PPP1R12A: variants seen among roughly 807,000 people sequenced by gnomAD.
PPP1R12A encodes myosin binding subunit.
PPP1R12A carries 19 observed loss-of-function variants against 139.6 expected under a neutral mutation model. The observed-to-expected ratio is 0.14, with a 90% confidence interval of 0.09 to 0.20. The LOEUF is 0.20. PPP1R12A is among the 10% of genes least tolerant of loss of function. The probability of loss-of-function intolerance (pLI) is 1.00; values close to 1 mark genes in which losing one functional copy is unlikely to be tolerated. For missense variants in PPP1R12A, 925 were observed against 1,211.5 expected, an observed-to-expected ratio of 0.76 and a Z score of 3.51; for synonymous variants, 427 against 420.6, an observed-to-expected ratio of 1.02 and a Z score of -0.19.
chr12:79,877,022 G>A (rs1347857913), intron 1 of PPP1R12A, among the ~76,000 whole-genome samples: 3 of 149,260 alleles, frequency 2.0e-5, no homozygotes, highest in African/African-American at 5.1e-5. Flanking sequence ...GAAAAAAAAA[G>A]GGTAAAAGCA....
intron 3 of PPP1R12A, among the ~76,000 whole-genome samples, chr12:79,837,831 A>C (rs1212006288): frequency 6.6e-6 from 1 of 152,194 alleles, no homozygotes; most frequent in Non-Finnish European, 1.5e-5. Context: ...AAGTTTCCTG[A>C]GGACCCCCAG....
At chr12:79,930,277 A>G (rs1025824121) in intron 1 of PPP1R12A, among the ~76,000 whole-genome samples, 1 of 152,212 alleles carries the variant, frequency 6.6e-6, no homozygotes, top group South Asian at 2.1e-4. Context: ...AAGTTAACCA[A>G]TTTCTATAAA....
intron 2 of PPP1R12A, among the ~76,000 whole-genome samples, chr12:79,854,479 T>C (rs1313497016): frequency 1.3e-5 from 2 of 152,144 alleles, no homozygotes; most frequent in Admixed American, 6.6e-5. Context: ...TTCCGCTCTT[T>C]AGATCCCTTA....
At chr12:79,934,632 G>C in intron 1 of PPP1R12A, 63 bp downstream of exon 1, 1 of 1,409,130 alleles carries the variant, frequency 7.1e-7, no homozygotes. Flanking sequence ...CTGAGGGCAG[G>C]CCCGAGCAGG....
intron 1 of PPP1R12A, among the ~76,000 whole-genome samples, chr12:79,916,124 T>C (rs754246718): frequency 2.0e-5 from 3 of 151,928 alleles, no homozygotes; most frequent in African/African-American, 4.8e-5. Flanking sequence ...CAGTGTAGAG[T>C]AGAAGACCAT....
intron 4 of PPP1R12A, among the ~76,000 whole-genome samples, chr12:79,829,204 G>A (rs1310326479): frequency 6.6e-6 from 1 of 152,088 alleles, no homozygotes; most frequent in African/African-American, 2.4e-5. Context: ...CTCACAGACA[G>A]CAAGGATGGG....
chr12:79,788,170 T>G (rs1161044393), intron 21 of PPP1R12A: 1 of 152,496 alleles, frequency 6.6e-6, no homozygotes, highest in Non-Finnish European at 1.5e-5. Context: ...GCTTTCTCCT[T>G]CTCCAACAGA....
intron 1 of PPP1R12A, among the ~76,000 whole-genome samples, chr12:79,915,869 T>C (rs547432679): frequency 5.9e-5 from 9 of 152,058 alleles, no homozygotes; most frequent in African/African-American, 1.2e-4. Flanking sequence ...ATCCTGATAA[T>C]ATTCACGCCA....
In PPP1R12A at chr12:79,859,714, G is replaced by A. The variant is rs758826393; in HGVS notation, c.368+13094C>T. ...GAGGTCAGGAGTTTGAGACCACCCC[G>A]GAAAACACAGCGAGACTCTGTCTCT... is the stretch of plus-strand genomic sequence containing the variant. On this transcript the variant is annotated intron_variant, in intron 2 of 24. Transcript: ENST00000450142. 1.1e-3 allele frequency among the ~76,000 whole-genome samples: 160 copies of A among 151,772 alleles called. 1 individual carries two copies. The highest frequency in any genetic ancestry group is 1.7e-3 in the Non-Finnish European group (113 of 67,952).
chr12:79,825,828 T>C (rs953858442), intron 5 of PPP1R12A, among the ~76,000 whole-genome samples: 1 of 152,040 alleles, frequency 6.6e-6, no homozygotes, highest in South Asian at 2.1e-4. Flanking sequence ...TGACTGAACA[T>C]GATGTATGAC....
chr12:79,903,345 G>A (rs1178181120), intron 1 of PPP1R12A, among the ~76,000 whole-genome samples: 32 of 151,922 alleles, frequency 2.1e-4, no homozygotes, highest in Admixed American at 2.1e-3. Flanking sequence ...CAGCTACTCG[G>A]GAGGCTGAGG....
At chr12:79,832,835 C>A (rs1877593446) in intron 3 of PPP1R12A, among the ~76,000 whole-genome samples, 1 of 151,840 alleles carries the variant, frequency 6.6e-6, no homozygotes, top group Admixed American at 6.6e-5. Context: ...ATGAATAAGT[C>A]TCAAATTTCT....
At chr12:79,931,803 G>A (rs1888273192) in intron 1 of PPP1R12A, among the ~76,000 whole-genome samples, 1 of 152,156 alleles carries the variant, frequency 6.6e-6, no homozygotes, top group East Asian at 1.9e-4. Context: ...GGTAGAGTGG[G>A]TGGGGGAGAA....
At chr12:79,794,015 C>T in intron 18 of PPP1R12A, 87 bp from the exon 19 acceptor site, 1 of 941,502 alleles carries the variant, frequency 1.1e-6, no homozygotes, top group South Asian at 1.7e-5. Flanking sequence ...GGGAGTCCTT[C>T]TCTCTCAGAA....
At chr12:79,786,196 A>C (rs942747119) in intron 22 of PPP1R12A, among the ~76,000 whole-genome samples, 178 bp downstream of exon 22, 15 of 152,210 alleles carry the variant, frequency 9.9e-5, no homozygotes, top group Non-Finnish European at 1.2e-4. Context: ...TTGACTTTTG[A>C]CTATGACTAT....
chr12:79,867,912 A>T (rs991515557), intron 2 of PPP1R12A, among the ~76,000 whole-genome samples: 1 of 152,104 alleles, frequency 6.6e-6, no homozygotes, highest in Non-Finnish European at 1.5e-5. Flanking sequence ...CATGATTGTA[A>T]GTTTCCTGAG....
At chr12:79,932,430 A>T (rs1888322476) in intron 1 of PPP1R12A, among the ~76,000 whole-genome samples, 1 of 152,212 alleles carries the variant, frequency 6.6e-6, no homozygotes, top group African/African-American at 2.4e-5. Context: ...AACATAACAC[A>T]AATTTTTAAT....
At chr12:79,884,684 T>A (rs1823461) in intron 1 of PPP1R12A, among the ~76,000 whole-genome samples, 119,472 of 152,074 alleles carry the variant, frequency 0.79, 49,443 homozygotes, top group Non-Finnish European at 0.92. Context: ...ACGGCTCAAA[T>A]ACACTTTCAA....
At chr12:79,799,705 A>C (rs971012970) in intron 14 of PPP1R12A, among the ~76,000 whole-genome samples, 2 of 152,122 alleles carry the variant, frequency 1.3e-5, no homozygotes, top group African/African-American at 4.8e-5. Context: ...AATAGCAAGT[A>C]ATCTGTGTCA....
Sources: allele counts gnomAD v4.1 joint callset (sites outside exome capture counted in the v4.1 genomes callset), GRCh38; gene constraint gnomAD v4.1.1; transcripts MANE v1.5; gene names NCBI Gene and HGNC (gene_info 2026-07-23, HGNC 2026-07-21).